Variants in SETBP1 observed in about 807,000 individuals in gnomAD.
SETBP1 encodes the protein SET-binding protein.
A neutral mutation model predicts 101.0 loss-of-function variants in SETBP1; 9 were observed. That is an observed-to-expected ratio of 0.09 (90% CI 0.05 to 0.16). SETBP1 has a LOEUF of 0.16. Ranked by LOEUF, SETBP1 falls within the 10% of genes least tolerant of loss-of-function variation. The pLI is 1.00. For synonymous variants in SETBP1, 818 were observed against 788.5 expected, an observed-to-expected ratio of 1.04 and a Z score of -0.63; for missense variants, 1,858 against 2,033.8, an observed-to-expected ratio of 0.91 and a Z score of 1.66.
chr18:44,724,135 A>G (rs28550327), intron 2 of SETBP1, among the ~76,000 whole-genome samples: 29,933 of 152,060 alleles, frequency 0.2, 3,475 homozygotes, highest in Non-Finnish European at 0.26. Flanking sequence ...AAGGATGGGG[A>G]AATGATGAGT....
intron 2 of SETBP1, among the ~76,000 whole-genome samples, chr18:44,716,449 C>A (rs931171930): frequency 6.6e-6 from 1 of 152,194 alleles, no homozygotes; most frequent in Non-Finnish European, 1.5e-5. Flanking sequence ...AAAGGTGAGG[C>A]CTTGCTGTCC....
intron 2 of SETBP1, among the ~76,000 whole-genome samples, chr18:44,775,607 T>C (rs1292294315): frequency 6.6e-6 from 1 of 152,204 alleles, no homozygotes; most frequent in Non-Finnish European, 1.5e-5. Flanking sequence ...TATAGTTTTT[T>C]GTTTTACCTC....
At chr18:44,912,339 T>A (rs2070329227) in intron 3 of SETBP1, among the ~76,000 whole-genome samples, 1 of 152,188 alleles carries the variant, frequency 6.6e-6, no homozygotes, top group South Asian at 2.1e-4. Flanking sequence ...ATCCAAGGAA[T>A]GATGAAATTT....
chr18:44,748,770 C>T (rs190404009), intron 2 of SETBP1, among the ~76,000 whole-genome samples: 203 of 152,272 alleles, frequency 1.3e-3, no homozygotes, highest in Non-Finnish European at 2.1e-3. Context: ...CTCAGATAAG[C>T]GGCTTTTGGC....
intron 4 of SETBP1, among the ~76,000 whole-genome samples, chr18:45,020,808 G>A (rs947962246): frequency 1.3e-5 from 2 of 152,214 alleles, no homozygotes; most frequent in African/African-American, 4.8e-5. Flanking sequence ...AGCATGGTCT[G>A]TAAATGAATC....
intron 4 of SETBP1, among the ~76,000 whole-genome samples, chr18:45,005,291 G>A (rs1215741625): frequency 1.3e-5 from 2 of 152,178 alleles, no homozygotes; most frequent in African/African-American, 4.8e-5. Context: ...GTAAGTGAAA[G>A]GAGATACAGT....
intron 2 of SETBP1, among the ~76,000 whole-genome samples, chr18:44,786,230 T>G (rs1167961717): frequency 6.6e-6 from 1 of 152,224 alleles, no homozygotes; most frequent in Non-Finnish European, 1.5e-5. Flanking sequence ...TTTTCTAAAG[T>G]TTTTGAAAGC....
intron 2 of SETBP1, among the ~76,000 whole-genome samples, chr18:44,790,689 C>T (rs1458425452): frequency 2.0e-5 from 3 of 152,178 alleles, no homozygotes; most frequent in African/African-American, 7.2e-5. Flanking sequence ...ACCAAAATGC[C>T]TTGGTCTGAC....
At chr18:44,982,847 G>T (rs148892909) in intron 4 of SETBP1, among the ~76,000 whole-genome samples, 1 of 152,124 alleles carries the variant, frequency 6.6e-6, no homozygotes, top group African/African-American at 2.4e-5. Context: ...TTCAGTACTA[G>T]TTTGCTCTGC....
rs142461857 is a variant in SETBP1, at chr18:44,979,397, G to A, written c.4000+26057G>A. Among the ~76,000 whole-genome samples, 54 of 152,284 alleles carry A rather than the reference G, an allele frequency of 3.5e-4. 1 individual carries two copies. In the East Asian group the frequency reaches 9.6e-3, roughly 27 times the overall value. On this transcript the variant is annotated intron_variant, in intron 4 of 5. Transcript: ENST00000649279. Reference sequence around the variant, plus strand: ...AATGAAATTCAGTGTACTACTGGCTGTATCCATATAACATTTCGTTCAGTT... The same window carrying A: ...AATGAAATTCAGTGTACTACTGGCTATATCCATATAACATTTCGTTCAGTT...
At position 44,748,316 on chromosome 18, in the gene SETBP1, T is replaced by G. The variant is rs79501264; in HGVS notation, c.486+46484T>G. ...TAGTATAAAAGATGATCTCTCTGTT[T>G]CCTATTTACTTAGGAAGAAATGTTT... On this transcript the variant is annotated intron_variant, in intron 2 of 5. Coordinates refer to ENST00000649279, the MANE Select transcript of SETBP1 (RefSeq NM_015559.3). Among the ~76,000 whole-genome samples the G allele has an allele frequency of 9.0e-4, 137 of 152,340 alleles. 1 individual carries two copies. Among genetic ancestry groups the G allele is most frequent in the African/African-American group, 3.1e-3 (129 of 41,578 alleles).
chr18:45,027,657 G>A (rs1406844023), intron 4 of SETBP1, among the ~76,000 whole-genome samples: 1 of 152,186 alleles, frequency 6.6e-6, no homozygotes, highest in Non-Finnish European at 1.5e-5. Context: ...GTGCTAAGAA[G>A]TAATCATGGT....
At chr18:44,687,595 A>G (rs917255776) in intron 1 of SETBP1, among the ~76,000 whole-genome samples, 1 of 152,228 alleles carries the variant, frequency 6.6e-6, no homozygotes, top group African/African-American at 2.4e-5. Flanking sequence ...GAAAGGGATT[A>G]AATTACCCAC....
intron 2 of SETBP1, among the ~76,000 whole-genome samples, chr18:44,721,499 T>C (rs1413196598): frequency 6.6e-6 from 1 of 152,172 alleles, no homozygotes; most frequent in Non-Finnish European, 1.5e-5. Flanking sequence ...TTGTTTTGTC[T>C]ATTCTTTGCC....
intron 2 of SETBP1, among the ~76,000 whole-genome samples, chr18:44,725,808 C>A (rs539839228): frequency 6.7e-4 from 102 of 152,242 alleles, no homozygotes; most frequent in Non-Finnish European, 1.3e-3. Flanking sequence ...CAACATACCT[C>A]CCCCCTCCAA....
In SETBP1 at chr18:44,950,733, C is replaced by T; in HGVS notation, c.1393C>T (p.Pro465Ser). The change falls in exon 4 of 6, where the codon CCT becomes TCT. Residue 465 changes from proline (P) to serine (S), a missense_variant. Pro to Ser is a moderately conservative substitution (Grantham distance 74, BLOSUM62 -1). This residue lies in a region of SETBP1 where 581 missense variants were observed against 535.1 expected (regional missense o/e 1.09). Coordinates refer to ENST00000649279, the MANE Select transcript of SETBP1 (RefSeq NM_015559.3). ...GGGGAATAAGAAGGATCCCCGTGTC[C>T]CTAAGTTGAGTAAAATGATAGAGAA... Reference protein sequence around the residue: ...SEGNKKDPRVPKLSKMIENES... With the variant: ...SEGNKKDPRVSKLSKMIENES... 1 of 1,613,994 alleles carries T rather than the reference C, an allele frequency of 6.2e-7. No individual in the cohort carries two copies. The highest frequency in any genetic ancestry group is 1.3e-5 in the African/African-American group (1 of 74,954).
At chr18:44,817,277 A>G (rs993924193) in intron 2 of SETBP1, among the ~76,000 whole-genome samples, 21 of 152,292 alleles carry the variant, frequency 1.4e-4, no homozygotes, top group Admixed American at 1.2e-3. Context: ...CCACAGCCCA[A>G]ACTGGGCGAG....
intron 2 of SETBP1, among the ~76,000 whole-genome samples, chr18:44,788,775 T>A (rs1304329930): frequency 6.7e-6 from 1 of 150,180 alleles, no homozygotes; most frequent in Non-Finnish European, 1.5e-5. Context: ...AACTGATTTT[T>A]TTTTTTCCTT....
At chr18:45,033,153 A>T (rs1462655917) in intron 4 of SETBP1, among the ~76,000 whole-genome samples, 2 of 152,272 alleles carry the variant, frequency 1.3e-5, no homozygotes, top group African/African-American at 2.4e-5. Context: ...ATCTGAATAG[A>T]CAACCATTAT....
Sources: gnomAD v4.1 joint callset for allele counts (sites outside exome capture counted in the v4.1 genomes callset) on GRCh38, gnomAD v4.1.1 for gene constraint, gnomAD v4.1.1 regional missense constraint, MANE v1.5 for transcripts, NCBI Gene and HGNC (gene_info 2026-07-23, HGNC 2026-07-21) for gene names.